The following TCERG1L variants were observed in gnomAD, a reference collection of about 807,000 sequenced individuals.
TCERG1L encodes the protein transcription elongation regulator 1 like.
Under a neutral mutation model 56.3 loss-of-function variants are expected in TCERG1L, and 37 were observed. That is an observed-to-expected ratio of 0.66 (90% CI 0.51 to 0.87). The LOEUF is 0.87. Ranked by LOEUF, TCERG1L falls within the 40% of genes least tolerant of loss-of-function variation. TCERG1L has a pLI of 0.00. For synonymous variants in TCERG1L, 324 were observed against 326.3 expected (o/e 0.99, Z 0.08); for missense variants, 799 against 774.2 (o/e 1.03, Z -0.38).
chr10:131,244,956 G>A (rs1306470028), intron 4 of TCERG1L, among the ~76,000 whole-genome samples: 1 of 152,212 alleles, frequency 6.6e-6, no homozygotes, highest in Non-Finnish European at 1.5e-5. Context: ...GGAACAGGAA[G>A]AGCATCAGTA....
intron 3 of TCERG1L, among the ~76,000 whole-genome samples, chr10:131,271,994 A>C (rs1425197385): frequency 6.6e-6 from 1 of 152,228 alleles, no homozygotes; most frequent in African/African-American, 2.4e-5. Flanking sequence ...CTCTTTGACC[A>C]GGACAGTGAC....
intron 3 of TCERG1L, among the ~76,000 whole-genome samples, chr10:131,292,381 G>C (rs1045644487): frequency 2.6e-5 from 4 of 152,174 alleles, no homozygotes; most frequent in South Asian, 2.1e-4. Context: ...ATATGATGCT[G>C]TTGATGAAAT....
chr10:131,251,420 C>T lies in TCERG1L; in HGVS notation c.856+8839G>A, dbSNP rs543341428. On this transcript the variant is annotated intron_variant, in intron 4 of 11. Coordinates refer to ENST00000368642, the MANE Select transcript of TCERG1L (RefSeq NM_174937.4). ...GGCCAGCCCCCAGGCCCTGCTCTCT[C>T]CTGCTCTCTGCAGACCCCACCCAGT... is the stretch of plus-strand genomic sequence containing the variant. 1.7e-4 allele frequency among the ~76,000 whole-genome samples: 26 copies of T among 152,226 alleles called. 1 individual carries two copies. The highest frequency in any genetic ancestry group is 2.9e-5 in the Non-Finnish European group (2 of 68,016).
chr10:131,222,216 A>G (rs1845741145), intron 4 of TCERG1L, among the ~76,000 whole-genome samples: 1 of 151,932 alleles, frequency 6.6e-6, no homozygotes, highest in African/African-American at 2.4e-5. Context: ...ACAACTATTC[A>G]TCAAAAGAGT....
intron 4 of TCERG1L, among the ~76,000 whole-genome samples, chr10:131,170,642 C>A (rs1005682135): frequency 2.6e-5 from 4 of 152,160 alleles, no homozygotes; most frequent in Non-Finnish European, 4.4e-5. Context: ...ACTCCCACGC[C>A]AGTCAGCTGA....
rs530045660 is a variant in TCERG1L, at chr10:131,093,039, G to A, written c.*123C>T. The stretch of plus-strand genomic sequence containing the variant: ...CCTCTGAGAACGAAGACCCCGCAGT[G>A]CCGGTGCCCGCTGGGCCGTGCAGGT... On this transcript the variant is annotated 3_prime_UTR_variant, in exon 12 of 12. Transcript: ENST00000368642. 3 of 947,194 alleles carry A rather than the reference G, an allele frequency of 3.2e-6. No individual in the cohort carries two copies. Among genetic ancestry groups the A allele is most frequent in the South Asian group, 1.7e-5 (1 of 59,690 alleles). The allele number at this position is 947,194 out of a possible 1,614,324, so 58.7% of individuals were successfully genotyped here. A position where few individuals can be genotyped will look rare whatever the true frequency, so the allele number is the denominator to read the frequency against.
chr10:131,227,479 C>G (rs1029534567), intron 4 of TCERG1L, among the ~76,000 whole-genome samples: 5 of 152,164 alleles, frequency 3.3e-5, no homozygotes, highest in Non-Finnish European at 7.4e-5. Context: ...AGAGCCACCG[C>G]CTCCCCGCTT....
At chr10:131,277,161 C>CCG (rs1340149320) in intron 3 of TCERG1L, among the ~76,000 whole-genome samples, 1 of 152,142 alleles carries the variant, frequency 6.6e-6, no homozygotes, top group Non-Finnish European at 1.5e-5. Context: ...AGAGCAGAGA[C>CCG]CGGGCTTGGG....
chr10:131,280,061 C>T (rs1044372952), intron 3 of TCERG1L, among the ~76,000 whole-genome samples: 4 of 152,288 alleles, frequency 2.6e-5, no homozygotes, highest in South Asian at 2.1e-4. Flanking sequence ...TGCATGGCTG[C>T]GACACAGCCT....
chr10:131,241,282 G>A (rs1316679659), intron 4 of TCERG1L, among the ~76,000 whole-genome samples: 1 of 152,192 alleles, frequency 6.6e-6, no homozygotes, highest in Non-Finnish European at 1.5e-5. Context: ...AGAAAACAAA[G>A]TTAAGGAAGT....
chr10:131,173,453 ACAGT>A (rs745930894), intron 4 of TCERG1L, among the ~76,000 whole-genome samples: 1 of 152,230 alleles, frequency 6.6e-6, no homozygotes, highest in African/African-American at 2.4e-5. Context: ...TAAAAATAAC[ACAGT>A]CAGGGCCCGT....
chr10:131,103,220 A>G lies in TCERG1L; in HGVS notation c.1485+1045T>C, dbSNP rs1845320257. On this transcript the variant is annotated intron_variant, in intron 10 of 11. Coordinates refer to ENST00000368642, the MANE Select transcript of TCERG1L (RefSeq NM_174937.4). The surrounding 1 kb of genome is among the most constrained non-coding windows in gnomAD (Gnocchi z 4.3). Reference sequence around the variant, plus strand: ...ACATGCCATCGTAAATGACAAGAATATTCAGGGAGGTAAAAAAAAGGCAAT... The same window carrying G: ...ACATGCCATCGTAAATGACAAGAATGTTCAGGGAGGTAAAAAAAAGGCAAT... Among the ~76,000 whole-genome samples the G allele has an allele frequency of 2.0e-5, 3 of 152,140 alleles. No individual in the cohort carries two copies. The highest frequency in any genetic ancestry group is 1.3e-4 in the Admixed American group (2 of 15,276).
At chr10:131,127,331 C>T (rs954648170) in intron 8 of TCERG1L, among the ~76,000 whole-genome samples, 10 of 152,312 alleles carry the variant, frequency 6.6e-5, no homozygotes, top group South Asian at 6.2e-4. Context: ...GACTGAGGCA[C>T]GTCCCAGGCC....
intron 4 of TCERG1L, among the ~76,000 whole-genome samples, chr10:131,227,129 G>A (rs149448353): frequency 9.4e-4 from 143 of 152,362 alleles, no homozygotes; most frequent in African/African-American, 3.3e-3. Flanking sequence ...TCTCCATAAT[G>A]TCCCATAGGG....
chr10:131,267,835 G>A lies in TCERG1L; in HGVS notation c.671-7391C>T, dbSNP rs376572964. The stretch of plus-strand genomic sequence containing the variant: ...CACCTCCTTGCAGACTTCGGTGGGG[G>A]CTCCAGGGCCTTGCCAGGCCCGTGC... On this transcript the variant is annotated intron_variant, in intron 3 of 11. Coordinates refer to ENST00000368642, the MANE Select transcript of TCERG1L (RefSeq NM_174937.4). This position sits in a 1 kb window ranked among gnomAD's most constrained non-coding sequence, Gnocchi z 4.9. 7.9e-4 allele frequency among the ~76,000 whole-genome samples: 120 copies of A among 152,328 alleles called. 1 individual carries two copies. In the South Asian group the frequency reaches 0.011, roughly 14 times the overall value.
intron 4 of TCERG1L, among the ~76,000 whole-genome samples, chr10:131,250,486 T>C (rs1968517): frequency 0.36 from 54,386 of 151,942 alleles, 11,205 homozygotes; most frequent in African/African-American, 0.56. Flanking sequence ...CCACAGGGAA[T>C]GGTGGCCGGT....
Position 131,246,601 on chromosome 10 carries a change from C to T in TCERG1L, c.856+13658G>A, listed in dbSNP as rs1018562192. Among the ~76,000 whole-genome samples, 11 of 140,376 alleles carry T rather than the reference C, an allele frequency of 7.8e-5. No individual in the cohort carries two copies. The South Asian group carries it at 2.9e-3, about 37-fold the overall frequency. 92.1% of individuals were successfully genotyped at this position (140,376 alleles called of 152,430 possible). ...CTTGTGAATCTCCTCCTCTCCCTCC[C>T]CTGCCCCACCGCACCCCACCCCACC... On this transcript the variant is annotated intron_variant, in intron 4 of 11. Transcript: ENST00000368642.
chr10:131,122,063 C>A (rs1845520254), intron 8 of TCERG1L, among the ~76,000 whole-genome samples: 1 of 152,234 alleles, frequency 6.6e-6, no homozygotes, highest in Non-Finnish European at 1.5e-5. Context: ...ACACTGCCAG[C>A]CTCCCCAAGG....
chr10:131,098,456 T>C, intron 10 of TCERG1L, 32 bp from the exon 11 acceptor site: 2 of 1,524,138 alleles, frequency 1.3e-6, no homozygotes, highest in South Asian at 2.5e-5. Context: ...AAAAACATCA[T>C]GAAATTGCAT....
Sources: allele counts gnomAD v4.1 joint callset (sites outside exome capture counted in the v4.1 genomes callset), GRCh38; gene constraint gnomAD v4.1.1; non-coding constraint Gnocchi (gnomAD v3.1); transcripts MANE v1.5; gene names NCBI Gene and HGNC (gene_info 2026-07-23, HGNC 2026-07-21).